AGTPBP1: variants seen among roughly 807,000 people sequenced by gnomAD.
AGTPBP1 encodes cytosolic carboxypeptidase 1.
In AGTPBP1, 70 loss-of-function variants were observed where a neutral mutation model predicts 143.9. That is an observed-to-expected ratio of 0.49 (90% CI 0.40 to 0.59). The LOEUF is 0.59. Ranked by LOEUF, AGTPBP1 falls within the 20% of genes least tolerant of loss-of-function variation. AGTPBP1 has a pLI of 0.00. For synonymous variants in AGTPBP1, 463 were observed against 500.2 expected, an observed-to-expected ratio of 0.93 and a Z score of 0.99; for missense variants, 1,229 against 1,464.5, an observed-to-expected ratio of 0.84 and a Z score of 2.62.
chr9:85,705,341 C>T (rs1045761619), intron 2 of AGTPBP1, among the ~76,000 whole-genome samples: 5 of 151,338 alleles, frequency 3.3e-5, no homozygotes, highest in African/African-American at 1.2e-4. Flanking sequence ...CACAGAAGAA[C>T]TAAGATAAGT....
chr9:85,625,550 T>C (rs1831216616), intron 14 of AGTPBP1, among the ~76,000 whole-genome samples: 1 of 152,192 alleles, frequency 6.6e-6, no homozygotes, highest in Non-Finnish European at 1.5e-5. Context: ...GCATCACATA[T>C]TATATAAAAG....
chr9:85,718,892 G>A (rs927726335), intron 1 of AGTPBP1, among the ~76,000 whole-genome samples: 1 of 152,072 alleles, frequency 6.6e-6, no homozygotes, highest in Admixed American at 6.5e-5. Flanking sequence ...CATATGGCTC[G>A]CCAGTTTTCC....
At chr9:85,746,048 T>C (rs1824575658), upstream of AGTPBP1, among the ~76,000 whole-genome samples, 1 of 152,114 alleles carries the variant, frequency 6.6e-6, no homozygotes, top group East Asian at 1.9e-4. Flanking sequence ...GCAGACAACA[T>C]GGTGCAGATC....
chr9:85,548,762 GC>G (rs1186749675), intron 25 of AGTPBP1, among the ~76,000 whole-genome samples: 1 of 150,906 alleles, frequency 6.6e-6, no homozygotes, highest in Admixed American at 6.6e-5. Context: ...TGCAACCTCT[GC>G]CTCCGGGTTC....
the AGTPBP1 span, among the ~76,000 whole-genome samples, chr9:85,780,274 TAA>T: frequency 4.0e-5 from 6 of 148,392 alleles, no homozygotes; most frequent in African/African-American, 1.5e-4. Context: ...AAAATATTAA[TAA>T]AGTTTCTAAA....
At chr9:85,627,101 A>G (rs533928590) in intron 14 of AGTPBP1, among the ~76,000 whole-genome samples, 24 of 152,348 alleles carry the variant, frequency 1.6e-4, no homozygotes, top group African/African-American at 5.5e-4. Context: ...CAAAAGAATT[A>G]TGAAACAATA....
chr9:85,728,074 C>T (rs905942218), intron 1 of AGTPBP1, among the ~76,000 whole-genome samples: 36 of 141,478 alleles, frequency 2.5e-4, no homozygotes, highest in East Asian at 9.9e-4. Flanking sequence ...CACACACACA[C>T]ACATATTTAC....
At chr9:85,791,988 G>C in the AGTPBP1 span, among the ~76,000 whole-genome samples, 1 of 152,092 alleles carries the variant, frequency 6.6e-6, no homozygotes, top group Non-Finnish European at 1.5e-5. Context: ...TACCTTTGAA[G>C]AACCATGAAT....
At chr9:85,614,773 T>C (rs1367791681) in intron 17 of AGTPBP1, among the ~76,000 whole-genome samples, 3 of 152,098 alleles carry the variant, frequency 2.0e-5, no homozygotes, top group African/African-American at 2.4e-5. Flanking sequence ...TGTAGGACCA[T>C]AGATTATGAG....
chr9:85,587,041 T>A, intron 21 of AGTPBP1, 81 bp from the exon 22 acceptor site: 1 of 1,524,768 alleles, frequency 6.6e-7, no homozygotes, highest in Non-Finnish European at 8.9e-7. Context: ...CTTATATACA[T>A]ATCTGATTTA....
At chr9:85,674,095 C>A (rs1834668802) in intron 6 of AGTPBP1, among the ~76,000 whole-genome samples, 2 of 148,738 alleles carry the variant, frequency 1.3e-5, no homozygotes, top group African/African-American at 5.0e-5. Flanking sequence ...TGCACTCCAG[C>A]CTGGGCAACT....
chr9:85,779,230 G>GATATAGATATAGATATAGATATAGAT, the AGTPBP1 span, among the ~76,000 whole-genome samples: 8 of 86,324 alleles, frequency 9.3e-5, no homozygotes, highest in African/African-American at 3.3e-4. Context: ...TATAGATATA[G>GATATAGATATAGATATAGATATAGAT]ATATAGATAT....
chr9:85,697,380 T>C (rs1836315437), intron 2 of AGTPBP1, among the ~76,000 whole-genome samples: 1 of 120,126 alleles, frequency 8.3e-6, no homozygotes, highest in Admixed American at 8.0e-5. Context: ...ATGCAGTGGG[T>C]TTATTATTTT....
chr9:85,680,916 G>C (rs931196363), intron 4 of AGTPBP1, among the ~76,000 whole-genome samples: 4 of 152,106 alleles, frequency 2.6e-5, no homozygotes, highest in Non-Finnish European at 5.9e-5. Flanking sequence ...TTTGTTTTAA[G>C]CTAAAGATTT....
chr9:85,735,285 C>T (rs1206507119), intron 1 of AGTPBP1, among the ~76,000 whole-genome samples: 8 of 152,260 alleles, frequency 5.3e-5, no homozygotes, highest in African/African-American at 1.4e-4. Flanking sequence ...AAAAGATAAA[C>T]GCTGTATGAT....
chr9:85,746,558 G>T (rs951853572), upstream of AGTPBP1, among the ~76,000 whole-genome samples: 1 of 152,044 alleles, frequency 6.6e-6, no homozygotes, highest in Non-Finnish European at 1.5e-5. Context: ...GAGCCCAGGA[G>T]TTCAAGGCTA....
intron 23 of AGTPBP1, among the ~76,000 whole-genome samples, chr9:85,585,223 T>A: frequency 6.6e-6 from 1 of 152,326 alleles, no homozygotes; most frequent in East Asian, 1.9e-4. Flanking sequence ...ACTATCGAGT[T>A]AATAGTGCAA....
At chr9:85,673,286 T>C (rs1430005417) in intron 6 of AGTPBP1, among the ~76,000 whole-genome samples, 1 of 152,002 alleles carries the variant, frequency 6.6e-6, no homozygotes, top group Non-Finnish European at 1.5e-5. Context: ...TAGACTGTCA[T>C]TAAAAAAAAC....
intron 17 of AGTPBP1, among the ~76,000 whole-genome samples, chr9:85,607,473 C>G (rs1830058184): frequency 6.6e-6 from 1 of 152,062 alleles, no homozygotes; most frequent in Non-Finnish European, 1.5e-5. Context: ...ACTCAATAAA[C>G]CAGTCTATTC....
Sources: gnomAD v4.1 joint callset for allele counts (sites outside exome capture counted in the v4.1 genomes callset) on GRCh38, gnomAD v4.1.1 for gene constraint, MANE v1.5 for transcripts, NCBI Gene and HGNC (gene_info 2026-07-23, HGNC 2026-07-21) for gene names.